The following DMXL2 variants were observed in gnomAD, a reference collection of about 807,000 sequenced individuals.
DMXL2 encodes the protein dmX-like protein 2.
Under a neutral mutation model 331.1 loss-of-function variants are expected in DMXL2, and 103 were observed. The observed-to-expected ratio is 0.31, with a 90% CI of 0.27 to 0.37. The LOEUF (loss-of-function observed/expected upper bound fraction) is 0.37. Ranked by LOEUF, DMXL2 falls within the 10% of genes least tolerant of loss-of-function variation. DMXL2 has a pLI of 1.00. For synonymous variants in DMXL2, 1,281 were observed against 1,252.1 expected, an observed-to-expected ratio of 1.02 and a Z score of -0.49; for missense variants, 3,171 against 3,642.9, an observed-to-expected ratio of 0.87 and a Z score of 3.33.
At chr15:51,451,606 T>C (rs2039144348) in intron 42 of DMXL2, 39 bp downstream of exon 42, 1 of 1,517,018 alleles carries the variant, frequency 6.6e-7, no homozygotes, top group African/African-American at 1.4e-5. Context: ...GTATTATTCC[T>C]TCATGGTATA....
chr15:51,545,706 T>C lies in DMXL2; in HGVS notation c.807A>G (p.Ala269=). Residue 269 remains alanine (A), a synonymous_variant, in exon 8 of 44, where the codon GCA becomes GCG. Transcript: ENST00000560891. The part of the protein sequence containing the change: ...SCHDGVCRLW[A]ETLLPEDCLL... ...GACAGTCTTCTGGTAATAAAGTTTC[T>C]GCCCAGAGCCGGCACACACCATCAT... The C allele has an allele frequency of 6.2e-7, 1 of 1,613,718 alleles. No homozygotes were observed. The highest frequency in any genetic ancestry group is 8.5e-7 in the Non-Finnish European group (1 of 1,179,734).
chr15:51,556,574 AC>A (rs2049604711), intron 6 of DMXL2, among the ~76,000 whole-genome samples: 1 of 151,856 alleles, frequency 6.6e-6, no homozygotes, highest in South Asian at 2.1e-4. Context: ...GGAGTTCGAG[AC>A]CAGCCTGGAC....
intron 41 of DMXL2, 29 bp from the exon 42 acceptor site, chr15:51,451,726 C>A: frequency 1.3e-6 from 2 of 1,573,894 alleles, no homozygotes; most frequent in Non-Finnish European, 8.7e-7. Context: ...AACAAAAATA[C>A]ATCATAAATG....
chr15:51,499,764 G>C lies in DMXL2; in HGVS notation c.3460C>G (p.Leu1154Val). ...ATAAGATATCTATCCTTGCTCAAGA[G>C]TGCATCTGACTTGCTATACACAAAC... ...NLFVYSKSDA[L>V]LSKDRYLIPN... is the part of the protein sequence containing the mutation. Residue 1154 changes from leucine to valine, a missense_variant, in exon 18 of 44, where the codon CTC becomes GTC. Transcript: ENST00000560891. 6.2e-7 allele frequency: 1 copy of C among 1,614,098 alleles called. No homozygotes were observed. The highest frequency in any genetic ancestry group is 8.5e-7 in the Non-Finnish European group (1 of 1,180,004).
chr15:51,481,650 C>G (rs746228814), intron 23 of DMXL2, 27 bp from the exon 24 acceptor site: 1 of 1,508,796 alleles, frequency 6.6e-7, no homozygotes, highest in African/African-American at 1.4e-5. Context: ...GATAAAATCA[C>G]AAAGCATTGT....
At chr15:51,492,536 C>A (rs142699813) in intron 19 of DMXL2, among the ~76,000 whole-genome samples, 1 of 152,148 alleles carries the variant, frequency 6.6e-6, no homozygotes, top group African/African-American at 2.4e-5. Context: ...GGGATCTAGG[C>A]TGTTTGAAGA....
At chr15:51,554,461 C>T (rs1241276971) in intron 6 of DMXL2, among the ~76,000 whole-genome samples, 2 of 152,156 alleles carry the variant, frequency 1.3e-5, no homozygotes, top group South Asian at 2.1e-4. Flanking sequence ...GAAAAAAAGA[C>T]ATGAATTATA....
At position 51,498,655 on chromosome 15, in the gene DMXL2, T is replaced by C; in HGVS notation, c.4569A>G (p.Leu1523=). The C allele has an allele frequency of 1.9e-6, 3 of 1,614,204 alleles. No homozygotes were observed. ...TCTGCTCCAAACGGGTAAGGCCTGG[T>C]AGACTTGAGTGCATAAGATGACTTG... ...VLSSHLMHSS[L]PGLTRLEQMF... Residue 1523 remains leucine, a synonymous_variant, in exon 18 of 44, where the codon CTA becomes CTG. Transcript: ENST00000560891.
intron 1 of DMXL2, among the ~76,000 whole-genome samples, chr15:51,607,066 G>C (rs868719613): frequency 6.8e-6 from 1 of 147,982 alleles, no homozygotes; most frequent in African/African-American, 2.5e-5. Context: ...GCTGAGGCAG[G>C]AGAATCGCTT....
intron 2 of DMXL2, among the ~76,000 whole-genome samples, chr15:51,572,820 G>A (rs1391579791): frequency 6.6e-6 from 1 of 152,118 alleles, no homozygotes; most frequent in Non-Finnish European, 1.5e-5. Flanking sequence ...CAAACCCACA[G>A]CCAATATCAT....
chr15:51,597,583 A>AT (rs570887162), intron 1 of DMXL2, among the ~76,000 whole-genome samples: 23 of 152,208 alleles, frequency 1.5e-4, no homozygotes, highest in Non-Finnish European at 2.8e-4. Flanking sequence ...TGCCTATTAC[A>AT]TACAATGCTG....
rs188775553 is a variant in DMXL2 at position 51,581,746 on chromosome 15, C to T, written c.88-5565G>A. 1.7e-3 allele frequency among the ~76,000 whole-genome samples: 263 copies of T among 152,202 alleles called. 1 individual carries two copies. The highest frequency in any genetic ancestry group is 3.9e-3 in the South Asian group (19 of 4,818). On this transcript the variant is annotated intron_variant, in intron 1 of 43. Transcript: ENST00000560891. ...GCTTAAACAAACATGACCACATTTC[C>T]TATGAAACTATAGCATACAATAGAT...
Position 51,477,419 on chromosome 15 carries a change from G to C in DMXL2, c.6834-700C>G, listed in dbSNP as rs370734752. On this transcript the variant is annotated intron_variant, in intron 26 of 43. Coordinates refer to ENST00000560891, the MANE Select transcript of DMXL2 (RefSeq NM_001378457.1). ...CAAACAAGTTATCTTTGATCATTTA[G>C]ATGACAACAGTCAACTAAATCAACT... 4.6e-5 allele frequency among the ~76,000 whole-genome samples: 7 copies of C among 152,034 alleles called. No individual in the cohort carries two copies. The East Asian group carries it at 1.4e-3, about 29-fold the overall frequency.
At chr15:51,548,107 A>T (rs1019491988) in intron 6 of DMXL2, among the ~76,000 whole-genome samples, 3 of 152,166 alleles carry the variant, frequency 2.0e-5, no homozygotes, top group African/African-American at 7.2e-5. Context: ...GCACTGACTT[A>T]ATCATTTTAC....
intron 32 of DMXL2, 38 bp downstream of exon 32, chr15:51,464,637 A>C: frequency 6.4e-7 from 1 of 1,572,034 alleles, no homozygotes; most frequent in South Asian, 1.1e-5. Context: ...AGAAAAGTTA[A>C]GCTACGCTCT....
Position 51,548,141 on chromosome 15 carries a change from G to C in DMXL2, c.568-733C>G, listed in dbSNP as rs563513096. Among the ~76,000 whole-genome samples the C allele has an allele frequency of 8.6e-5, 13 of 151,862 alleles. No homozygotes were observed. The South Asian group carries it at 2.5e-3, about 29-fold the overall frequency. Reference sequence around the variant, plus strand: ...ACTTAGTCCTAACAATTTAGTTAAAGGCTAAACAACTGTATTTTAACAGAA... The same window carrying C: ...ACTTAGTCCTAACAATTTAGTTAAACGCTAAACAACTGTATTTTAACAGAA... On this transcript the variant is annotated intron_variant, in intron 6 of 43. Transcript: ENST00000560891.
Position 51,458,585 on chromosome 15 carries a change from G to T in DMXL2, c.8119C>A (p.Gln2707Lys). 1 of 1,613,894 alleles carries T rather than the reference G, an allele frequency of 6.2e-7. No homozygotes were observed. The highest frequency in any genetic ancestry group is 1.1e-5 in the South Asian group (1 of 91,020). Residue 2707 changes from glutamine to lysine, a missense_variant, in exon 36 of 44, where the codon CAA becomes AAA. Physicochemically the swap from Gln to Lys is moderately conservative, Grantham distance 53. Around this residue, in one of 7 missense-constraint regions of DMXL2, gnomAD observed 766 missense variants for 940.5 expected, o/e 0.81. Coordinates refer to ENST00000560891, the MANE Select transcript of DMXL2 (RefSeq NM_001378457.1). Reference protein sequence around the residue: ...EIVLASTHDVQELDVTSLLAC... With the variant: ...EIVLASTHDVKELDVTSLLAC... Reference sequence around the variant, plus strand: ...AGTAGAGAAGTAACATCAAGTTCTTGAACATCATGTGTTGAAGCCAAAACA... The same window carrying T: ...AGTAGAGAAGTAACATCAAGTTCTTTAACATCATGTGTTGAAGCCAAAACA...
chr15:51,463,554 T>G lies in DMXL2; in HGVS notation c.7809-58A>C. ...TAGTCTATAGAAAATATGTTTATAT[T>G]TGCAGATATTTATTTTTAAAACCTT... On this transcript the variant is annotated intron_variant, in intron 32 of 43. Coordinates refer to ENST00000560891, the MANE Select transcript of DMXL2 (RefSeq NM_001378457.1). The G allele has an allele frequency of 3.0e-6, 3 of 994,314 alleles. No individual in the cohort carries two copies. The South Asian group carries it at 5.2e-5, about 17-fold the overall frequency. The allele number at this position is 994,314 out of a possible 1,614,324, so 61.6% of individuals were successfully genotyped here.
intron 41 of DMXL2, chr15:51,453,111 A>G (rs1346661469): frequency 1.3e-5 from 2 of 152,918 alleles, no homozygotes; most frequent in Non-Finnish European, 2.9e-5. Context: ...GGTGAAGAAT[A>G]AAAGACTACA....
Sources: allele counts gnomAD v4.1 joint callset (sites outside exome capture counted in the v4.1 genomes callset), GRCh38; gene constraint gnomAD v4.1.1; regional missense constraint gnomAD v4.1.1; transcripts MANE v1.5; gene names NCBI Gene and HGNC (gene_info 2026-07-23, HGNC 2026-07-21).